FAF1: variants seen among roughly 807,000 people sequenced by gnomAD.
The protein encoded by FAF1 is FAS-associated factor 1.
In FAF1, 25 loss-of-function variants were observed where a neutral mutation model predicts 92.5. The ratio of observed to expected loss-of-function variants is 0.27; its 90% CI spans 0.20 to 0.38. The LOEUF (loss-of-function observed/expected upper bound fraction) is 0.38, where lower values mean the gene tolerates loss of function less well. Among genes scored for constraint, FAF1 ranks in the 10% least tolerant of loss-of-function variants. The probability of loss-of-function intolerance (pLI) is 1.00; values close to 1 mark genes in which losing one functional copy is unlikely to be tolerated. For synonymous variants in FAF1, 234 were observed against 273.2 expected (o/e 0.86, Z 1.42); for missense variants, 636 against 793.3 (o/e 0.80, Z 2.38).
intron 17 of FAF1, among the ~76,000 whole-genome samples, chr1:50,477,349 C>G (rs1646651190): frequency 6.6e-6 from 1 of 152,084 alleles, no homozygotes; most frequent in Admixed American, 6.6e-5. Flanking sequence ...AGCTGCTTTT[C>G]TTATAATGAA....
At chr1:50,928,314 T>C (rs572592732) in intron 1 of FAF1, among the ~76,000 whole-genome samples, 4 of 152,332 alleles carry the variant, frequency 2.6e-5, no homozygotes, top group Admixed American at 6.5e-5. Context: ...GAAAGTAATA[T>C]GAAAGTCTCT....
At position 50,438,704 on chromosome 1, in the gene FAF1, T is replaced by C. The variant is rs1340280604; in HGVS notation, c.*2736A>G. The C allele has an allele frequency of 1.3e-5, 2 of 152,250 alleles. No individual in the cohort carries two copies. The highest frequency in any genetic ancestry group is 4.8e-5 in the African/African-American group (2 of 41,460). 9.4% of individuals were successfully genotyped at this position (152,250 alleles called of 1,614,324 possible). On this transcript the variant is annotated 3_prime_UTR_variant, in exon 19 of 19. Transcript: ENST00000396153. ...CTCTCCACCTCTTAAAAACCTATTC[T>C]ACTGACCAGCACACTTAGATGTTAT...
chr1:50,667,568 T>C (rs539575535), intron 7 of FAF1, among the ~76,000 whole-genome samples: 6 of 152,334 alleles, frequency 3.9e-5, no homozygotes, highest in African/African-American at 1.4e-4. Context: ...AACAGTGCCA[T>C]TAATCTACTC....
intron 8 of FAF1, among the ~76,000 whole-genome samples, chr1:50,624,222 A>G (rs1653358176): frequency 6.6e-6 from 1 of 151,974 alleles, no homozygotes; most frequent in Non-Finnish European, 1.5e-5. Context: ...ATCTCAGCTC[A>G]CTGCAACCTT....
intron 2 of FAF1, among the ~76,000 whole-genome samples, chr1:50,840,623 T>C (rs1365746530): frequency 2.6e-5 from 4 of 152,064 alleles, no homozygotes; most frequent in Admixed American, 1.3e-4. Context: ...TTTCACTTTA[T>C]AAACACTATA....
intron 18 of FAF1, among the ~76,000 whole-genome samples, chr1:50,463,073 A>G (rs1022923418): frequency 2.6e-5 from 4 of 152,182 alleles, no homozygotes; most frequent in African/African-American, 9.6e-5. Context: ...GTTTGTGCAA[A>G]CAATATAGTT....
rs75212675 is a variant in FAF1 at position 50,904,809 on chromosome 1, C to T, written c.46-46812G>A. ...CACAAACCTCCTGAAACAAATATAA[C>T]TACTACCCAACTAAAAAAATACATT... On this transcript the variant is annotated intron_variant, in intron 1 of 18. Coordinates refer to ENST00000396153, the MANE Select transcript of FAF1 (RefSeq NM_007051.3). Among the ~76,000 whole-genome samples, 246 of 152,132 alleles carry T rather than the reference C, an allele frequency of 1.6e-3. 2 individuals carry two copies. The East Asian group carries it at 0.038, about 24-fold the overall frequency.
At chr1:50,753,317 A>T (rs752334729) in intron 4 of FAF1, among the ~76,000 whole-genome samples, 1 of 152,230 alleles carries the variant, frequency 6.6e-6, no homozygotes, top group Non-Finnish European at 1.5e-5. Flanking sequence ...AGATTTTTCC[A>T]TATCATTGCA....
At chr1:50,926,412 A>T (rs1371590963) in intron 1 of FAF1, among the ~76,000 whole-genome samples, 4 of 152,194 alleles carry the variant, frequency 2.6e-5, no homozygotes, top group Non-Finnish European at 5.9e-5. Flanking sequence ...AACTGTAGAT[A>T]TTGGAGACTG....
Position 50,551,910 on chromosome 1 carries a change from A to G in FAF1, c.1269-12182T>C, listed in dbSNP as rs527493296. Among the ~76,000 whole-genome samples the G allele has an allele frequency of 2.6e-5, 4 of 152,326 alleles. No individual in the cohort carries two copies. In the South Asian group the frequency reaches 8.3e-4, roughly 32 times the overall value. On this transcript the variant is annotated intron_variant, in intron 13 of 18. Coordinates refer to ENST00000396153, the MANE Select transcript of FAF1 (RefSeq NM_007051.3). Reference sequence around the variant, plus strand: ...TACTTACATGTAGATAAATGCACTGAGCACTTACTCTGTACCAGACTTTAA... The same window carrying G: ...TACTTACATGTAGATAAATGCACTGGGCACTTACTCTGTACCAGACTTTAA...
chr1:50,804,905 A>C (rs1423930541), intron 2 of FAF1, among the ~76,000 whole-genome samples: 1 of 152,200 alleles, frequency 6.6e-6, no homozygotes, highest in Admixed American at 6.5e-5. Context: ...TACCTGATCT[A>C]GGGCTCAGGA....
chr1:50,874,083 GAC>G (rs1644550516), intron 1 of FAF1, among the ~76,000 whole-genome samples: 1 of 152,126 alleles, frequency 6.6e-6, no homozygotes, highest in African/African-American at 2.4e-5. Flanking sequence ...CCATTGCAAT[GAC>G]ACTGATTTCC....
chr1:50,927,179 C>T (rs918451011), intron 1 of FAF1, among the ~76,000 whole-genome samples: 3 of 152,086 alleles, frequency 2.0e-5, no homozygotes, highest in Non-Finnish European at 4.4e-5. Context: ...GGTGGTGATG[C>T]CACATAACAA....
intron 2 of FAF1, among the ~76,000 whole-genome samples, chr1:50,840,408 A>G (rs1189467528): frequency 6.6e-6 from 1 of 152,012 alleles, no homozygotes; most frequent in Non-Finnish European, 1.5e-5. Flanking sequence ...CTCAATAATA[A>G]GAAGAAAATC....
chr1:50,688,143 AT>A (rs200107050), intron 7 of FAF1, among the ~76,000 whole-genome samples: 60 of 151,428 alleles, frequency 4.0e-4, no homozygotes, highest in African/African-American at 7.7e-4. Context: ...CTCAAAAAAA[AT>A]AAATAAATAA....
intron 15 of FAF1, among the ~76,000 whole-genome samples, chr1:50,494,652 C>T (rs114958856): frequency 1.1e-4 from 17 of 152,174 alleles, no homozygotes; most frequent in Non-Finnish European, 1.9e-4. Context: ...TCTCATATTG[C>T]GCTGTGCTAC....
intron 1 of FAF1, among the ~76,000 whole-genome samples, chr1:50,906,681 G>C (rs1419156893): frequency 6.6e-6 from 1 of 152,148 alleles, no homozygotes; most frequent in Non-Finnish European, 1.5e-5. Flanking sequence ...CTCTCTGTTT[G>C]TCTGTTATTG....
At chr1:50,465,529 T>C (rs1646483570) in intron 18 of FAF1, among the ~76,000 whole-genome samples, 2 of 152,196 alleles carry the variant, frequency 1.3e-5, no homozygotes, top group Non-Finnish European at 2.9e-5. Context: ...GCCAGGAATG[T>C]ATTAGTTAAC....
chr1:50,575,798 T>A (rs1650703590), intron 12 of FAF1, among the ~76,000 whole-genome samples: 1 of 152,214 alleles, frequency 6.6e-6, no homozygotes, highest in South Asian at 2.1e-4. Flanking sequence ...TGCCTGGTTT[T>A]CTGGATATTG....
Sources: gnomAD v4.1 joint callset for allele counts (sites outside exome capture counted in the v4.1 genomes callset) on GRCh38, gnomAD v4.1.1 for gene constraint, MANE v1.5 for transcripts, NCBI Gene and HGNC (gene_info 2026-07-23, HGNC 2026-07-21) for gene names.